The following SOX6 variants were observed in gnomAD, a reference collection of about 807,000 sequenced individuals.
SOX6 encodes SRY-box transcription factor 6, also known as transcription factor SOX-6.
In SOX6, 11 loss-of-function variants were observed where a neutral mutation model predicts 97.8. That is an observed-to-expected ratio of 0.11 (90% CI 0.07 to 0.19). SOX6 has a LOEUF of 0.19. SOX6 is among the 10% of genes least tolerant of loss of function. The pLI is 1.00. For missense variants in SOX6, 810 were observed against 1,039.5 expected (o/e 0.78, Z 3.04); for synonymous variants, 360 against 371.4 (o/e 0.97, Z 0.35).
At chr11:16,298,395 CTT>C (rs1855160236) in intron 3 of SOX6, among the ~76,000 whole-genome samples, 3 of 152,194 alleles carry the variant, frequency 2.0e-5, no homozygotes, top group Admixed American at 6.5e-5. Context: ...TCAATACAAA[CTT>C]GTCTAAATTT....
intron 3 of SOX6, among the ~76,000 whole-genome samples, chr11:16,643,318 G>A (rs1848954642): frequency 6.6e-6 from 1 of 152,190 alleles, no homozygotes; most frequent in African/African-American, 2.4e-5. Flanking sequence ...GTGTCAGTCT[G>A]CCCCTACTGG....
chr11:16,629,837 T>C (rs1163907918), intron 3 of SOX6, among the ~76,000 whole-genome samples: 1 of 152,202 alleles, frequency 6.6e-6, no homozygotes, highest in African/African-American at 2.4e-5. Flanking sequence ...AGGTTGTGTG[T>C]TTCTGGTAAT....
intron 3 of SOX6, among the ~76,000 whole-genome samples, chr11:16,258,213 T>C (rs1427359394): frequency 1.3e-5 from 2 of 151,954 alleles, no homozygotes; most frequent in African/African-American, 4.8e-5. Flanking sequence ...TGTTCTTTGG[T>C]TTTTCTCAAA....
At chr11:16,047,305 T>C (rs1423293978) in intron 11 of SOX6, among the ~76,000 whole-genome samples, 2 of 152,116 alleles carry the variant, frequency 1.3e-5, no homozygotes, top group African/African-American at 4.8e-5. Flanking sequence ...TAATGAAGCA[T>C]TCTTCTCATC....
At chr11:16,282,692 A>G (rs958855242) in intron 3 of SOX6, among the ~76,000 whole-genome samples, 2 of 151,538 alleles carry the variant, frequency 1.3e-5, no homozygotes, top group African/African-American at 4.8e-5. Context: ...TATATTTATT[A>G]TTAAACCATA....
At chr11:16,472,815 A>G (rs11023957) in intron 1 of SOX6, among the ~76,000 whole-genome samples, 324 of 152,234 alleles carry the variant, frequency 2.1e-3, no homozygotes, top group Admixed American at 4.8e-3. Context: ...ACTTATTTCA[A>G]ATAATTTCCT....
intron 6 of SOX6, among the ~76,000 whole-genome samples, chr11:16,170,976 C>T (rs1564996815): frequency 6.6e-6 from 1 of 151,896 alleles, no homozygotes; most frequent in South Asian, 2.1e-4. Flanking sequence ...CTACCCTTAT[C>T]CAAAGTAGAG....
At chr11:16,012,816 T>C (rs1329163877) in intron 13 of SOX6, among the ~76,000 whole-genome samples, 2 of 151,960 alleles carry the variant, frequency 1.3e-5, no homozygotes, top group Admixed American at 1.3e-4. Context: ...TTCTTCACAA[T>C]GTGTATAAGG....
chr11:16,434,827 C>T (rs1198959033), intron 1 of SOX6, among the ~76,000 whole-genome samples: 1 of 151,678 alleles, frequency 6.6e-6, no homozygotes, highest in Non-Finnish European at 1.5e-5. Flanking sequence ...TTTATAAAAT[C>T]AGCCACAAAA....
At chr11:16,109,548 AAAG>A (rs757877991) in intron 7 of SOX6, among the ~76,000 whole-genome samples, 1 of 152,120 alleles carries the variant, frequency 6.6e-6, no homozygotes, top group Non-Finnish European at 1.5e-5. Context: ...TTTGGGGCAA[AAAG>A]AAGTTGTATT....
chr11:16,495,520 T>C (rs1442898557), intron 4 of SOX6, among the ~76,000 whole-genome samples: 1 of 152,106 alleles, frequency 6.6e-6, no homozygotes, highest in Non-Finnish European at 1.5e-5. Context: ...GAGGACAAGC[T>C]TACCCAATCT....
At chr11:16,570,845 T>C (rs1176021234) in intron 4 of SOX6, among the ~76,000 whole-genome samples, 2 of 152,186 alleles carry the variant, frequency 1.3e-5, no homozygotes, top group Non-Finnish European at 2.9e-5. Flanking sequence ...GATTGACAAT[T>C]TAAAGCATTT....
chr11:16,062,381 G>C (rs911723128), intron 9 of SOX6, among the ~76,000 whole-genome samples: 1 of 151,426 alleles, frequency 6.6e-6, no homozygotes, highest in African/African-American at 2.4e-5. Flanking sequence ...ATTACATAAG[G>C]GTCTACAAAA....
At chr11:16,512,173 T>C (rs940488676) in intron 4 of SOX6, among the ~76,000 whole-genome samples, 6 of 151,784 alleles carry the variant, frequency 4.0e-5, no homozygotes, top group Non-Finnish European at 7.4e-5. Flanking sequence ...AAGAAAAGAG[T>C]ACTAAGGGCT....
intron 3 of SOX6, among the ~76,000 whole-genome samples, chr11:16,687,934 C>CT (rs561085120): frequency 2.9e-3 from 447 of 152,142 alleles, no homozygotes; most frequent in Middle Eastern, 0.01. Flanking sequence ...TAAATAATGT[C>CT]TTTTTTCCTC....
At chr11:16,024,286 T>C (rs1855153765) in intron 12 of SOX6, among the ~76,000 whole-genome samples, 1 of 152,060 alleles carries the variant, frequency 6.6e-6, no homozygotes, top group Non-Finnish European at 1.5e-5. Flanking sequence ...TTCTGTTGTT[T>C]AAGTCCGCTG....
intron 4 of SOX6, among the ~76,000 whole-genome samples, chr11:16,485,084 G>A (rs1029301586): frequency 3.9e-5 from 6 of 152,122 alleles, no homozygotes; most frequent in African/African-American, 1.4e-4. Flanking sequence ...GTCAAGAGAG[G>A]AGGAATTATT....
chr11:16,172,077 C>T (rs1027039262), intron 6 of SOX6, among the ~76,000 whole-genome samples: 2 of 151,668 alleles, frequency 1.3e-5, no homozygotes, highest in East Asian at 3.9e-4. Flanking sequence ...AACCCACCCC[C>T]GACACTCAAC....
At chr11:16,167,470 G>T (rs745857123) in intron 6 of SOX6, among the ~76,000 whole-genome samples, 1 of 152,050 alleles carries the variant, frequency 6.6e-6, no homozygotes, top group Non-Finnish European at 1.5e-5. Flanking sequence ...CCAAGTCAGG[G>T]CACGCCGTTC....
Sources: gnomAD v4.1 joint callset for allele counts (sites outside exome capture counted in the v4.1 genomes callset) on GRCh38, gnomAD v4.1.1 for gene constraint, MANE v1.5 for transcripts, NCBI Gene and HGNC (gene_info 2026-07-23, HGNC 2026-07-21) for gene names.